Variants in SRSF1 observed in about 807,000 individuals in gnomAD.
SRSF1 encodes the protein serine and arginine rich splicing factor 1.
In SRSF1, 1 loss-of-function variant was observed where a neutral mutation model predicts 25.9. The ratio of observed to expected loss-of-function variants is 0.04; its 90% CI spans 0.01 to 0.18. SRSF1 has a LOEUF of 0.18. Ranked by LOEUF, SRSF1 falls within the 10% of genes least tolerant of loss-of-function variation. SRSF1 has a pLI of 1.00. For synonymous variants in SRSF1, 132 were observed against 126.2 expected, an observed-to-expected ratio of 1.05 and a Z score of -0.31; for missense variants, 65 against 350.5, an observed-to-expected ratio of 0.19 and a Z score of 6.50.
intron 1 of SRSF1, 49 bp from the exon 2 acceptor site, chr17:58,006,576 G>A (rs772464139): frequency 3.9e-6 from 6 of 1,546,150 alleles, no homozygotes; most frequent in Non-Finnish European, 3.5e-6. Flanking sequence ...AGGAGGAGAA[G>A]CTCGCTCAGT....
chr17:57,996,126 T>C (rs1242742389), downstream of SRSF1, among the ~76,000 whole-genome samples: 10 of 152,140 alleles, frequency 6.6e-5, no homozygotes, highest in African/African-American at 2.4e-4. Context: ...TTCACAAACA[T>C]TTATTAAGGT....
the SRSF1 span, chr17:57,994,252 GAA>G: frequency 1.3e-5 from 2 of 152,172 alleles, no homozygotes; most frequent in African/African-American, 4.8e-5. Flanking sequence ...CACATCTAGT[GAA>G]ACTGATTCTG....
chr17:57,993,343 T>C, the SRSF1 span: 1 of 150,286 alleles, frequency 6.7e-6, no homozygotes, highest in Admixed American at 6.6e-5. Flanking sequence ...TGAGCCGAGA[T>C]TGCGCCACTG....
At chr17:57,997,168 A>G (rs2075368575), downstream of SRSF1, among the ~76,000 whole-genome samples, 1 of 152,162 alleles carries the variant, frequency 6.6e-6, no homozygotes, top group African/African-American at 2.4e-5. Context: ...CATCAAAACC[A>G]CTTACTTTGG....
chr17:58,006,874 T>TA, intron 1 of SRSF1, 70 bp downstream of exon 1: 1 of 1,557,718 alleles, frequency 6.4e-7, no homozygotes. Flanking sequence ...TTCTCTATGT[T>TA]AAGGCCTTGG....
At chr17:57,996,972 A>G (rs1298486300), downstream of SRSF1, among the ~76,000 whole-genome samples, 1 of 152,244 alleles carries the variant, frequency 6.6e-6, no homozygotes, top group Admixed American at 6.5e-5. Flanking sequence ...ATTCCATCCC[A>G]AAGAGAAATA....
chr17:57,996,251 G>A (rs545897990), downstream of SRSF1, among the ~76,000 whole-genome samples: 11 of 152,170 alleles, frequency 7.2e-5, no homozygotes, highest in East Asian at 1.9e-4. Context: ...TTGGGAGGCC[G>A]AAGCGGGCAG....
At chr17:57,992,597 A>C in the SRSF1 span, 1 of 152,242 alleles carries the variant, frequency 6.6e-6, no homozygotes, top group Non-Finnish European at 1.5e-5. Flanking sequence ...CCACCAGTTA[A>C]GAGGGATAAC....
the SRSF1 span, chr17:57,994,492 T>C: frequency 6.6e-6 from 1 of 152,126 alleles, no homozygotes; most frequent in Non-Finnish European, 1.5e-5. Flanking sequence ...AAAACTCCTG[T>C]GGGAAACAAG....
At chr17:57,990,821 G>A in the SRSF1 span, 1 of 152,172 alleles carries the variant, frequency 6.6e-6, no homozygotes, top group East Asian at 1.9e-4. Flanking sequence ...TCCCCAACTT[G>A]CCCTGTTCAG....
In SRSF1 at chr17:58,005,169, G is replaced by A. The variant is rs1344232466; in HGVS notation, c.*237C>T. ...AGACATTTACACAATATCACAGTCT[G>A]AAGAGTATGGAGTTAACTAAATTTA... On this transcript the variant is annotated 3_prime_UTR_variant, in exon 4 of 4. Coordinates refer to ENST00000258962, the MANE Select transcript of SRSF1 (RefSeq NM_006924.5). The surrounding 1 kb of genome is among the most constrained non-coding windows in gnomAD (Gnocchi z 5.2). The A allele has an allele frequency of 1.7e-6, 1 of 571,770 alleles. No individual in the cohort carries two copies. Among genetic ancestry groups the A allele is most frequent in the Non-Finnish European group, 3.1e-6 (1 of 324,398 alleles). 35.4% of individuals were successfully genotyped at this position (571,770 alleles called of 1,614,324 possible). A position where few individuals can be genotyped will look rare whatever the true frequency, so the allele number is the denominator to read the frequency against.
chr17:58,005,278 A>T lies in SRSF1; in HGVS notation c.*128T>A. ...TAGATGTTAGGAGCAAGGGGATATT[A>T]CAAGAATGCAATTCAACACTTTAGC... On this transcript the variant is annotated 3_prime_UTR_variant, in exon 4 of 4. Transcript: ENST00000258962. The surrounding 1 kb of genome is among the most constrained non-coding windows in gnomAD (Gnocchi z 5.2). 1 of 947,972 alleles carries T rather than the reference A, an allele frequency of 1.1e-6. No individual in the cohort carries two copies. The highest frequency in any genetic ancestry group is 1.6e-5 in the African/African-American group (1 of 61,090). 58.7% of individuals were successfully genotyped at this position (947,972 alleles called of 1,614,324 possible). A position where few individuals can be genotyped will look rare whatever the true frequency, so the allele number is the denominator to read the frequency against.
At chr17:57,989,444 A>G in the SRSF1 span, 3 of 397,692 alleles carry the variant, frequency 7.5e-6, no homozygotes, top group East Asian at 1.1e-4. Context: ...TCCAAAACCA[A>G]CTGAATCTTA....
downstream of SRSF1, among the ~76,000 whole-genome samples, chr17:58,000,715 A>G (rs2075383712): frequency 6.6e-6 from 1 of 152,184 alleles, no homozygotes; most frequent in Non-Finnish European, 1.5e-5. Flanking sequence ...AGGCCTGTGT[A>G]TGCTAGTACA....
chr17:57,999,549 T>G (rs898935636), downstream of SRSF1, among the ~76,000 whole-genome samples: 1 of 152,184 alleles, frequency 6.6e-6, no homozygotes, highest in Admixed American at 6.5e-5. Context: ...AAAGGTAAAG[T>G]TGCAAGAAAA....
rs1240290768 is a variant in SRSF1, at chr17:58,007,230, G to T, written c.-93C>A. Reference sequence around the variant, plus strand: ...CCCGCAGCGGCACCACGTCTCCCGCGGCCCCTCCAAAATGGCGCCTTTATC... The same window carrying T: ...CCCGCAGCGGCACCACGTCTCCCGCTGCCCCTCCAAAATGGCGCCTTTATC... On this transcript the variant is annotated 5_prime_UTR_variant, in exon 1 of 4. Coordinates refer to ENST00000258962, the MANE Select transcript of SRSF1 (RefSeq NM_006924.5). 1.0e-5 allele frequency: 15 copies of T among 1,474,282 alleles called. No individual in the cohort carries two copies. In the East Asian group the frequency reaches 2.1e-4, roughly 20 times the overall value. 91.3% of individuals were successfully genotyped at this position (1,474,282 alleles called of 1,614,324 possible). A position where few individuals can be genotyped will look rare whatever the true frequency, so the allele number is the denominator to read the frequency against.
rs780923117 is a variant in SRSF1 at position 58,004,179 on chromosome 17, T to C, written c.*1227A>G. ...GTTCAGATAAATTTTAGAAACTTAA[T>C]CATCATAGAGACTAATTGGAAGAAG... On this transcript the variant is annotated 3_prime_UTR_variant, in exon 4 of 4. Transcript: ENST00000258962. 3 of 152,678 alleles carry C rather than the reference T, an allele frequency of 2.0e-5. No homozygotes were observed. The South Asian group carries it at 6.2e-4, about 32-fold the overall frequency. The allele number at this position is 152,678 out of a possible 1,614,324, so 9.5% of individuals were successfully genotyped here. A position where few individuals can be genotyped will look rare whatever the true frequency, so the allele number is the denominator to read the frequency against.
At position 58,005,609 on chromosome 17, in the gene SRSF1, T is replaced by C. The variant is rs757298380; in HGVS notation, c.553-9A>G. The C allele has an allele frequency of 2.5e-6, 4 of 1,613,162 alleles. No individual in the cohort carries two copies. The highest frequency in any genetic ancestry group is 3.4e-6 in the Non-Finnish European group (4 of 1,179,254). On this transcript the variant is annotated splice_polypyrimidine_tract_variant and intron_variant, in intron 3 of 3. Transcript: ENST00000258962. This position sits in a 1 kb window ranked among gnomAD's most constrained non-coding sequence, Gnocchi z 5.2. ...ATGTAGGCAGTTTCTCCCTATTGGA[T>C]AGACAGAACTTTCCATTGAAAGATC...
chr17:57,998,951 A>G (rs1448441949), downstream of SRSF1, among the ~76,000 whole-genome samples: 1 of 152,262 alleles, frequency 6.6e-6, no homozygotes, highest in African/African-American at 2.4e-5. Flanking sequence ...TACTGTAAAC[A>G]GGAGACAAGT....
Sources: gnomAD v4.1 joint callset for allele counts (sites outside exome capture counted in the v4.1 genomes callset) on GRCh38, gnomAD v4.1.1 for gene constraint, Gnocchi (gnomAD v3.1) non-coding constraint, MANE v1.5 for transcripts, NCBI Gene and HGNC (gene_info 2026-07-23, HGNC 2026-07-21) for gene names.